RIPOR3: variants seen among roughly 807,000 people sequenced by gnomAD.
The protein encoded by RIPOR3 is family with sequence similarity 65 member C.
In RIPOR3, 95 loss-of-function variants were observed where a neutral mutation model predicts 114.3. That is an observed-to-expected ratio of 0.83 (90% CI 0.70 to 0.99). The LOEUF (loss-of-function observed/expected upper bound fraction) is 0.99. RIPOR3 is among the 50% of genes least tolerant of loss of function. The pLI, the probability that RIPOR3 is intolerant of heterozygous loss-of-function variation, is 0.00. For missense variants in RIPOR3, 1,252 were observed against 1,266.9 expected (o/e 0.99, Z 0.18); for synonymous variants, 575 against 543.8 (o/e 1.06, Z -0.80).
chr20:50,608,406 C>G lies in RIPOR3; in HGVS notation c.939G>C (p.Gln313His), dbSNP rs2083806224. 1.2e-6 allele frequency: 2 copies of G among 1,613,896 alleles called. No individual in the cohort carries two copies. The highest frequency in any genetic ancestry group is 2.7e-5 in the African/African-American group (2 of 74,916). The change falls in exon 11 of 22, where the codon CAG becomes CAC. Residue 313 changes from glutamine to histidine, a missense_variant. Physicochemically the swap from Gln to His is conservative, Grantham distance 24. Transcript: ENST00000327979. ...DITELGTIKLQLEVQWNPFDT... is the reference protein window; with the variant it reads ...DITELGTIKLHLEVQWNPFDT... ...GGACTCACTTCCACTGCACCTCCAG[C>G]TGCAGCTTGATGGTACCCAACTCCG... is the stretch of plus-strand genomic sequence containing the variant.
At position 50,615,985 on chromosome 20, in the gene RIPOR3, G is replaced by T; in HGVS notation, c.348+17C>A. 6.3e-7 allele frequency: 1 copy of T among 1,598,708 alleles called. No homozygotes were observed. The highest frequency in any genetic ancestry group is 8.5e-7 in the Non-Finnish European group (1 of 1,172,360). Reference sequence around the variant, plus strand: ...CCAAGGCTATCTGGGTGGGAAGCAGGCAGGGAGGGGTCTCACCAGCCTGGA... The same window carrying T: ...CCAAGGCTATCTGGGTGGGAAGCAGTCAGGGAGGGGTCTCACCAGCCTGGA... On this transcript the variant is annotated intron_variant, in intron 4 of 21. Coordinates refer to ENST00000327979, the MANE Select transcript of RIPOR3 (RefSeq NM_001290268.2).
intron 1 of RIPOR3, among the ~76,000 whole-genome samples, chr20:50,649,755 A>G (rs73274652): frequency 6.4e-4 from 97 of 152,326 alleles, no homozygotes; most frequent in African/African-American, 2.2e-3. Context: ...TTTACAGGGA[A>G]GCGCTCCCTG....
At chr20:50,677,503 C>T (rs2086713501) in intron 1 of RIPOR3, among the ~76,000 whole-genome samples, 1 of 151,058 alleles carries the variant, frequency 6.6e-6, no homozygotes, top group South Asian at 2.1e-4. Context: ...TCCTGAGTAG[C>T]TGGGATGACA....
intron 4 of RIPOR3, 135 bp downstream of exon 4, chr20:50,615,867 G>T: frequency 6.4e-6 from 5 of 784,934 alleles, no homozygotes; most frequent in African/African-American, 1.7e-5. Flanking sequence ...TCAGTGCAAC[G>T]TGAAGAGGCT....
At position 50,630,800 on chromosome 20, in the gene RIPOR3, C is replaced by G. The variant is rs750360115; in HGVS notation, c.60G>C (p.Val20=). The G allele has an allele frequency of 3.1e-6, 5 of 1,612,166 alleles. No individual in the cohort carries two copies. Among genetic ancestry groups the G allele is most frequent in the Non-Finnish European group, 2.5e-6 (3 of 1,179,532 alleles). ...AGGAGGCGCTCCGGCCCACGACCCCCACGGCCCCTGTGTCCCCAGGGGACA... is the reference window on the plus strand; with the variant it reads ...AGGAGGCGCTCCGGCCCACGACCCCGACGGCCCCTGTGTCCCCAGGGGACA... The part of the protein sequence containing the change: ...RFLSPGDTGA[V]GVVGRSASFA... The change falls in exon 2 of 22, where the codon GTG becomes GTC. Residue 20 remains valine, a synonymous_variant. Transcript: ENST00000327979.
chr20:50,654,917 G>GT (rs1555868329), intron 1 of RIPOR3, among the ~76,000 whole-genome samples: 1 of 152,052 alleles, frequency 6.6e-6, no homozygotes, highest in Non-Finnish European at 1.5e-5. Flanking sequence ...GCTACTTTTT[G>GT]TATTTTTAGT....
At chr20:50,670,625 A>C (rs1229880324) in intron 1 of RIPOR3, among the ~76,000 whole-genome samples, 8 of 152,184 alleles carry the variant, frequency 5.3e-5, no homozygotes, top group Admixed American at 1.3e-4. Flanking sequence ...CCAGCGGTGC[A>C]TTCCCCTAGG....
intron 1 of RIPOR3, 124 bp downstream of exon 1, chr20:50,691,002 G>T (rs1013815434): frequency 1.6e-6 from 2 of 1,222,486 alleles, no homozygotes; most frequent in African/African-American, 3.1e-5. Flanking sequence ...TCCCTCCTCC[G>T]GCCTTGGGAG....
At chr20:50,598,238 C>G (rs1264095062) in intron 13 of RIPOR3, among the ~76,000 whole-genome samples, 3 of 152,162 alleles carry the variant, frequency 2.0e-5, no homozygotes, top group African/African-American at 7.2e-5. Flanking sequence ...GCTCCAGGTT[C>G]CTCCTCCCTG....
chr20:50,611,133 C>A (rs780396158), intron 5 of RIPOR3, 48 bp downstream of exon 5: 20 of 1,613,906 alleles, frequency 1.2e-5, no homozygotes, highest in South Asian at 1.1e-5. Context: ...CACAGTCATT[C>A]TCATCCAGCC....
chr20:50,640,416 C>T (rs1451529364), intron 1 of RIPOR3, among the ~76,000 whole-genome samples: 1 of 147,872 alleles, frequency 6.8e-6, no homozygotes, highest in Non-Finnish European at 1.5e-5. Flanking sequence ...GAGGAGAGAC[C>T]GGGTGAAGGG....
intron 8 of RIPOR3, 145 bp from the exon 9 acceptor site, chr20:50,609,100 A>T: frequency 7.5e-7 from 1 of 1,326,190 alleles, no homozygotes; most frequent in Non-Finnish European, 1.0e-6. Context: ...CATGATGGAA[A>T]ATGGACAGAG....
At chr20:50,661,500 A>C (rs1033602068) in intron 1 of RIPOR3, among the ~76,000 whole-genome samples, 1 of 152,184 alleles carries the variant, frequency 6.6e-6, no homozygotes, top group African/African-American at 2.4e-5. Flanking sequence ...TCCTCCCTAA[A>C]GCAGGCAGAG....
rs552220132 is a variant in RIPOR3 at position 50,669,093 on chromosome 20, C to T, written c.3+22033G>A. Reference sequence around the variant, plus strand: ...ATTATACACATATGTACACATGGCGCGCACACACCCATACATGCATGCTCA... The same window carrying T: ...ATTATACACATATGTACACATGGCGTGCACACACCCATACATGCATGCTCA... On this transcript the variant is annotated intron_variant, in intron 1 of 21. Coordinates refer to ENST00000327979, the MANE Select transcript of RIPOR3 (RefSeq NM_001290268.2). Among the ~76,000 whole-genome samples, 48 of 152,134 alleles carry T rather than the reference C, an allele frequency of 3.2e-4. 1 individual carries two copies. The highest frequency in any genetic ancestry group is 9.7e-4 in the East Asian group (5 of 5,178).
In RIPOR3 at chr20:50,597,594, G is replaced by GCC; in HGVS notation, c.1774_1775dup (p.Ser593AlafsTer17). The GCC allele has an allele frequency of 1.2e-6, 2 of 1,607,482 alleles. No homozygotes were observed. The highest frequency in any genetic ancestry group is 1.7e-6 in the Non-Finnish European group (2 of 1,177,016). On this transcript the variant is annotated frameshift_variant, in exon 14 of 22. Coordinates refer to ENST00000327979, the MANE Select transcript of RIPOR3 (RefSeq NM_001290268.2). LOFTEE classifies it high-confidence loss of function. Reference sequence around the variant, plus strand: ...GGTGCACTCACCGGAGACCCTGGGAGCCCCCAAACAGGGACAGCTCATCCA... The same window carrying GCC: ...GGTGCACTCACCGGAGACCCTGGGAGCCCCCCCAAACAGGGACAGCTCATCCA...
chr20:50,620,571 G>T (rs893257667), intron 2 of RIPOR3, among the ~76,000 whole-genome samples: 1 of 152,006 alleles, frequency 6.6e-6, no homozygotes, highest in Non-Finnish European at 1.5e-5. Context: ...AGGTTTCAGT[G>T]AGCCGAGATT....
chr20:50,588,974 G>A lies in RIPOR3; in HGVS notation c.2661+712C>T, dbSNP rs371323807. 1.8e-4 allele frequency among the ~76,000 whole-genome samples: 27 copies of A among 150,802 alleles called. 2 individuals are homozygous for A. In the South Asian group the frequency reaches 3.4e-3, roughly 19 times the overall value. ...GTGGGCGCCTGTAGTCCCAGTTGCT[G>A]GGGAGGCTGAGGCAGGAGAATGGTG... On this transcript the variant is annotated intron_variant, in intron 20 of 21. Coordinates refer to ENST00000327979, the MANE Select transcript of RIPOR3 (RefSeq NM_001290268.2).
chr20:50,649,809 G>A (rs1395294027), intron 1 of RIPOR3, among the ~76,000 whole-genome samples: 1 of 152,210 alleles, frequency 6.6e-6, no homozygotes, highest in East Asian at 1.9e-4. Context: ...CCCTTCCAAG[G>A]ACGGTAATGA....
chr20:50,663,764 G>A (rs1008600605), intron 1 of RIPOR3, among the ~76,000 whole-genome samples: 7 of 152,134 alleles, frequency 4.6e-5, no homozygotes, highest in Non-Finnish European at 1.0e-4. Flanking sequence ...ATTGGTGCCA[G>A]CCATTTGTCC....
Sources: allele counts gnomAD v4.1 joint callset (sites outside exome capture counted in the v4.1 genomes callset), GRCh38; gene constraint gnomAD v4.1.1; transcripts MANE v1.5; gene names NCBI Gene and HGNC (gene_info 2026-07-23, HGNC 2026-07-21).